Variants in ATP10B observed in about 807,000 individuals in gnomAD.
The protein encoded by ATP10B is phospholipid-transporting ATPase VB.
Under a neutral mutation model 141.2 loss-of-function variants are expected in ATP10B, and 122 were observed. The ratio of observed to expected loss-of-function variants is 0.86; its 90% CI spans 0.75 to 1.00. ATP10B has a LOEUF of 1.00. Ranked by LOEUF, ATP10B falls within the 50% of genes least tolerant of loss-of-function variation. The pLI is 0.00. For missense variants in ATP10B, 1,876 were observed against 1,825.3 expected (o/e 1.03, Z -0.51); for synonymous variants, 685 against 692.0 (o/e 0.99, Z 0.16).
intron 1 of ATP10B, among the ~76,000 whole-genome samples, chr5:160,812,020 C>CACAGAGAGAGAGAG (rs1211580744): frequency 0.026 from 2,896 of 111,464 alleles, 73 homozygotes; most frequent in Non-Finnish European, 0.04. Flanking sequence ...GAGACAGAGA[C>CACAGAGAGAGAGAG]AGAGAGAGAG....
chr5:160,680,001 G>T (rs973422176), intron 6 of ATP10B, among the ~76,000 whole-genome samples: 2 of 152,072 alleles, frequency 1.3e-5, no homozygotes, highest in Non-Finnish European at 2.9e-5. Flanking sequence ...CTGATTAATG[G>T]GTCACCTTTA....
chr5:160,871,558 T>A, the ATP10B span, among the ~76,000 whole-genome samples: 2 of 152,156 alleles, frequency 1.3e-5, no homozygotes, highest in Admixed American at 1.3e-4. Flanking sequence ...GTCCATTGCA[T>A]CATTCTTATA....
chr5:160,903,988 C>T, the ATP10B span, among the ~76,000 whole-genome samples: 13 of 152,298 alleles, frequency 8.5e-5, no homozygotes, highest in East Asian at 1.9e-4. Context: ...ACAGTTTCTT[C>T]GCCATAGGCT....
the ATP10B span, among the ~76,000 whole-genome samples, chr5:160,913,237 T>C: frequency 6.6e-6 from 1 of 152,214 alleles, no homozygotes. Flanking sequence ...TCAGCAACAC[T>C]GAACCACACT....
chr5:160,663,533 G>T (rs374176149), intron 7 of ATP10B, among the ~76,000 whole-genome samples: 13 of 151,964 alleles, frequency 8.6e-5, no homozygotes, highest in Admixed American at 1.3e-4. Context: ...GCAAACTATC[G>T]CAAGGACAAA....
the ATP10B span, among the ~76,000 whole-genome samples, chr5:160,917,399 A>T: frequency 6.6e-6 from 1 of 151,218 alleles, no homozygotes; most frequent in Non-Finnish European, 1.5e-5. Flanking sequence ...GGCTACCTGG[A>T]TGTTTAAACA....
chr5:160,775,587 T>G (rs1770239829), intron 2 of ATP10B, among the ~76,000 whole-genome samples: 1 of 152,170 alleles, frequency 6.6e-6, no homozygotes, highest in Non-Finnish European at 1.5e-5. Context: ...AATGAACTAT[T>G]CTTGTATGTT....
At chr5:160,642,062 T>G (rs888995898) in intron 9 of ATP10B, among the ~76,000 whole-genome samples, 1 of 151,704 alleles carries the variant, frequency 6.6e-6, no homozygotes, top group African/African-American at 2.4e-5. Flanking sequence ...TTGGAAAGAG[T>G]TGGGTTCAAG....
At chr5:160,844,935 C>T (rs1033586454) in intron 1 of ATP10B, among the ~76,000 whole-genome samples, 20 of 152,100 alleles carry the variant, frequency 1.3e-4, no homozygotes, top group Non-Finnish European at 2.5e-4. Flanking sequence ...TAAATAACCA[C>T]AAGAAATTAC....
intron 1 of ATP10B, among the ~76,000 whole-genome samples, chr5:160,817,198 A>C (rs913207690): frequency 6.6e-6 from 1 of 152,232 alleles, no homozygotes; most frequent in African/African-American, 2.4e-5. Flanking sequence ...AATTAGGAAA[A>C]GAGGAAGTCA....
intron 24 of ATP10B, among the ~76,000 whole-genome samples, chr5:160,582,972 A>G (rs1487367175): frequency 6.6e-6 from 1 of 152,106 alleles, no homozygotes; most frequent in East Asian, 1.9e-4. Context: ...TTAGTTAGCC[A>G]TCCCTCTAAT....
At chr5:160,652,962 C>T (rs1246973158) in intron 7 of ATP10B, among the ~76,000 whole-genome samples, 14 of 70,800 alleles carry the variant, frequency 2.0e-4, no homozygotes, top group Non-Finnish European at 3.0e-4. Flanking sequence ...ATTATATATA[C>T]ATGTATATAT....
intron 12 of ATP10B, 45 bp from the exon 13 acceptor site, chr5:160,632,412 G>A (rs1759000404): frequency 6.4e-7 from 1 of 1,572,600 alleles, no homozygotes. Context: ...TACCTCGGCT[G>A]GACCATGTTG....
At chr5:160,855,137 A>G (rs1581658518), upstream of ATP10B, among the ~76,000 whole-genome samples, 2 of 152,236 alleles carry the variant, frequency 1.3e-5, no homozygotes, top group South Asian at 4.1e-4. Flanking sequence ...TATGTTTAGT[A>G]TTTTAATAAA....
chr5:160,606,685 C>T (rs150393287), intron 19 of ATP10B, 80 bp downstream of exon 19: 6 of 1,427,974 alleles, frequency 4.2e-6, no homozygotes, highest in African/African-American at 1.4e-5. Context: ...GACTTTGAGA[C>T]CTGACCTCCC....
At chr5:160,882,024 A>C in the ATP10B span, among the ~76,000 whole-genome samples, 1 of 152,216 alleles carries the variant, frequency 6.6e-6, no homozygotes, top group Admixed American at 6.6e-5. Flanking sequence ...AAGAGGCTAC[A>C]AACTGTATAA....
At chr5:160,671,230 G>T (rs912772314) in intron 6 of ATP10B, among the ~76,000 whole-genome samples, 2 of 130,796 alleles carry the variant, frequency 1.5e-5, no homozygotes, top group African/African-American at 5.8e-5. Flanking sequence ...TGAACATTTA[G>T]AATTTTTCTT....
intron 17 of ATP10B, among the ~76,000 whole-genome samples, chr5:160,614,963 C>T (rs1413830710): frequency 2.0e-5 from 3 of 152,304 alleles, no homozygotes; most frequent in South Asian, 4.1e-4. Flanking sequence ...GGACATTAAT[C>T]CTGTTGAATA....
intron 7 of ATP10B, among the ~76,000 whole-genome samples, chr5:160,652,160 T>G (rs2127692429): frequency 6.6e-6 from 1 of 152,202 alleles, no homozygotes; most frequent in East Asian, 1.9e-4. Context: ...CTGCTGTGTC[T>G]CCTTTCCTGC....
Sources: gnomAD v4.1 joint callset for allele counts (sites outside exome capture counted in the v4.1 genomes callset) on GRCh38, gnomAD v4.1.1 for gene constraint, MANE v1.5 for transcripts, NCBI Gene and HGNC (gene_info 2026-07-23, HGNC 2026-07-21) for gene names.